Variants in TNC observed in about 807,000 individuals in gnomAD.
TNC encodes the protein tenascin C.
In TNC, 109 loss-of-function variants were observed where a neutral mutation model predicts 202.4. The ratio of observed to expected loss-of-function variants is 0.54; its 90% CI spans 0.46 to 0.63. The LOEUF (loss-of-function observed/expected upper bound fraction) is 0.63, where lower values mean the gene tolerates loss of function less well. TNC is among the 30% of genes least tolerant of loss of function. The probability of loss-of-function intolerance (pLI) is 0.00; values close to 1 mark genes in which losing one functional copy is unlikely to be tolerated. For synonymous variants in TNC, 1,007 were observed against 1,089.7 expected (o/e 0.92, Z 1.50); for missense variants, 2,756 against 2,833.3 (o/e 0.97, Z 0.62).
chr9:115,083,049 A>G (rs1361449842), intron 4 of TNC, among the ~76,000 whole-genome samples: 1 of 152,246 alleles, frequency 6.6e-6, no homozygotes, highest in Non-Finnish European at 1.5e-5. Context: ...AAATGAACGC[A>G]GGCTTTGGAA....
chr9:115,025,837 A>G (rs1829434668), intron 26 of TNC, among the ~76,000 whole-genome samples: 1 of 152,202 alleles, frequency 6.6e-6, no homozygotes, highest in South Asian at 2.1e-4. Context: ...AAACCACACA[A>G]AACCACTTCA....
intron 1 of TNC, among the ~76,000 whole-genome samples, chr9:115,113,023 T>A (rs1290594265): frequency 6.6e-6 from 1 of 152,140 alleles, no homozygotes; most frequent in East Asian, 1.9e-4. Flanking sequence ...TAGCTTAAAG[T>A]CTAGTAGAGA....
intron 2 of TNC, among the ~76,000 whole-genome samples, chr9:115,089,600 A>C (rs977228473): frequency 6.6e-6 from 1 of 151,932 alleles, no homozygotes; most frequent in Non-Finnish European, 1.5e-5. Flanking sequence ...CCTCGGTTTC[A>C]AGTGATTCTC....
rs187096119 is a variant in TNC at position 115,079,492 on chromosome 9, G to A, written c.2405-1280C>T. 4.6e-5 allele frequency among the ~76,000 whole-genome samples: 7 copies of A among 152,248 alleles called. No individual in the cohort carries two copies. The East Asian group carries it at 5.8e-4, about 13-fold the overall frequency. On this transcript the variant is annotated intron_variant, in intron 6 of 27. Transcript: ENST00000350763. ...ATAGGTGCTAGCAAGCACCCAAACC[G>A]TACCTACTACCTTCCTTAGTACCCC...
chr9:115,064,571 C>G, intron 11 of TNC, 76 bp downstream of exon 11: 1 of 1,497,602 alleles, frequency 6.7e-7, no homozygotes, highest in South Asian at 1.3e-5. Context: ...CATTCCAAAG[C>G]TAGTCGTGTC....
intron 1 of TNC, among the ~76,000 whole-genome samples, chr9:115,092,982 TTAG>T (rs1403089812): frequency 1.3e-5 from 2 of 152,212 alleles, no homozygotes; most frequent in African/African-American, 4.8e-5. Flanking sequence ...TTTATGTCAA[TTAG>T]TGGTGGTGCT....
At chr9:115,028,974 A>C (rs1587997825) in intron 25 of TNC, among the ~76,000 whole-genome samples, 1 of 109,672 alleles carries the variant, frequency 9.1e-6, no homozygotes, top group African/African-American at 3.5e-5. Flanking sequence ...AAAGTCATGG[A>C]CCACAGGTTG....
At chr9:115,091,724 T>G (rs1383752875) in intron 1 of TNC, among the ~76,000 whole-genome samples, 1 of 152,202 alleles carries the variant, frequency 6.6e-6, no homozygotes, top group Non-Finnish European at 1.5e-5. Flanking sequence ...AGGCAGAGGT[T>G]AAAATAAAGG....
In TNC at chr9:115,064,913, G is replaced by T; in HGVS notation, c.3221C>A (p.Ala1074Asp). The T allele has an allele frequency of 6.2e-7, 1 of 1,613,504 alleles. No homozygotes were observed. Among genetic ancestry groups the T allele is most frequent in the African/African-American group, 1.3e-5 (1 of 75,022 alleles). The change falls in exon 11 of 28, where the codon GCC becomes GAC. Residue 1074 changes from alanine to aspartate, a missense_variant. Coordinates refer to ENST00000350763, the MANE Select transcript of TNC (RefSeq NM_002160.4). ...CACGGTGAGGTTTTCCAGCTCAGGG[G>T]CTTGTTCTGAATAATGACAGAGATG... ...PARVKASTEQ[A>D]PELENLTVTE...
chr9:115,041,224 C>T, intron 18 of TNC, 140 bp from the exon 19 acceptor site: 1 of 1,012,586 alleles, frequency 9.9e-7, no homozygotes, highest in Non-Finnish European at 1.4e-6. Flanking sequence ...CTCATTTGCT[C>T]CTACCCTCTG....
At chr9:115,076,196 G>T in intron 8 of TNC, 75 bp from the exon 9 acceptor site, 1 of 1,514,298 alleles carries the variant, frequency 6.6e-7, no homozygotes, top group Non-Finnish European at 9.2e-7. Flanking sequence ...AAATGGCTTT[G>T]AGTTGGTCTC....
intron 15 of TNC, among the ~76,000 whole-genome samples, chr9:115,050,573 T>A (rs1831571222): frequency 1.3e-5 from 2 of 152,246 alleles, no homozygotes; most frequent in African/African-American, 2.4e-5. Flanking sequence ...ACTCATTTTT[T>A]AATCTTACAT....
chr9:115,053,873 G>A (rs1465364247), intron 15 of TNC, among the ~76,000 whole-genome samples: 2 of 152,130 alleles, frequency 1.3e-5, no homozygotes, highest in Non-Finnish European at 1.5e-5. Flanking sequence ...TTCTGCTTAG[G>A]AAACTCAATT....
At chr9:115,045,582 A>G (rs1208654464) in intron 17 of TNC, among the ~76,000 whole-genome samples, 3 of 115,262 alleles carry the variant, frequency 2.6e-5, no homozygotes, top group African/African-American at 3.5e-5. Context: ...GGGTCTTACT[A>G]TGTTGCCTAG....
chr9:115,049,332 C>G (rs899852013), intron 15 of TNC, among the ~76,000 whole-genome samples: 1 of 152,126 alleles, frequency 6.6e-6, no homozygotes, highest in Non-Finnish European at 1.5e-5. Flanking sequence ...GGCTAAGTTT[C>G]CATTGATACT....
chr9:115,106,576 T>C (rs1339157601), intron 1 of TNC, among the ~76,000 whole-genome samples: 2 of 152,180 alleles, frequency 1.3e-5, no homozygotes, highest in Non-Finnish European at 2.9e-5. Flanking sequence ...CTATAATATC[T>C]GTGTCTTAGG....
intron 22 of TNC, among the ~76,000 whole-genome samples, chr9:115,032,523 T>C (rs190286539): frequency 5.0e-4 from 76 of 152,314 alleles, no homozygotes; most frequent in African/African-American, 1.7e-3. Context: ...TCCCTAAATA[T>C]AGCTCTTTAT....
intron 1 of TNC, among the ~76,000 whole-genome samples, chr9:115,101,433 G>A (rs546796814): frequency 1.3e-3 from 199 of 152,186 alleles, no homozygotes; most frequent in Non-Finnish European, 2.1e-3. Context: ...GGCTGGTCTC[G>A]AACTCCTGAC....
intron 1 of TNC, among the ~76,000 whole-genome samples, chr9:115,112,957 C>T (rs1391520688): frequency 6.6e-6 from 1 of 152,240 alleles, no homozygotes; most frequent in Non-Finnish European, 1.5e-5. Flanking sequence ...TGTGTCTATG[C>T]TTCAGGTCTC....
Sources: gnomAD v4.1 joint callset for allele counts (sites outside exome capture counted in the v4.1 genomes callset) on GRCh38, gnomAD v4.1.1 for gene constraint, MANE v1.5 for transcripts, NCBI Gene and HGNC (gene_info 2026-07-23, HGNC 2026-07-21) for gene names.